The following SCNN1B variants were observed in gnomAD, a reference collection of about 807,000 sequenced individuals.
The protein encoded by SCNN1B is epithelial sodium channel subunit beta.
In SCNN1B, 46 loss-of-function variants were observed where a neutral mutation model predicts 65.3. That is an observed-to-expected ratio of 0.70 (90% CI 0.56 to 0.90). The LOEUF is 0.90. SCNN1B is among the 40% of genes least tolerant of loss of function. SCNN1B has a pLI of 0.00. For missense variants in SCNN1B, 751 were observed against 830.5 expected (o/e 0.90, Z 1.18); for synonymous variants, 349 against 330.6 (o/e 1.06, Z -0.60).
chr16:23,306,644 C>T (rs1347077709), intron 1 of SCNN1B, among the ~76,000 whole-genome samples: 2 of 152,116 alleles, frequency 1.3e-5, no homozygotes, highest in Non-Finnish European at 2.9e-5. Context: ...AGGAAAGGTT[C>T]AAAGAGAAGG....
intron 2 of SCNN1B, among the ~76,000 whole-genome samples, chr16:23,293,058 C>T (rs1319713860): frequency 1.5e-5 from 2 of 135,288 alleles, no homozygotes; most frequent in Non-Finnish European, 3.0e-5. Context: ...AAGTTTGCAG[C>T]GAGCCGAGAC....
rs1316971786 is a variant in SCNN1B, at chr16:23,348,611, G to T, written c.12G>T (p.Lys4Asn). The change falls in exon 2 of 13, where the codon AAG becomes AAT. Residue 4 changes from lysine to asparagine, a missense_variant. By Grantham distance (94) the Lys-to-Asn change is moderately conservative. Transcript: ENST00000343070. This position sits in a 1 kb window ranked among gnomAD's most constrained non-coding sequence, Gnocchi z 4.5. ...CTGCAGGTGCCACTATGCACGTGAA[G>T]AAGTACCTGCTGAAGGGCCTGCATC... MHV[K>N]KYLLKGLHRL... The T allele has an allele frequency of 3.1e-6, 5 of 1,612,894 alleles. No homozygotes were observed. In the African/African-American group the frequency reaches 6.7e-5, roughly 22 times the overall value.
At chr16:23,324,785 A>G (rs1961658319) in intron 1 of SCNN1B, among the ~76,000 whole-genome samples, 1 of 152,180 alleles carries the variant, frequency 6.6e-6, no homozygotes, top group African/African-American at 2.4e-5. Flanking sequence ...GGGAGGGAGC[A>G]GATGAAACTG....
intron 1 of SCNN1B, among the ~76,000 whole-genome samples, chr16:23,312,142 C>T (rs1961358354): frequency 6.6e-6 from 1 of 152,128 alleles, no homozygotes; most frequent in Admixed American, 6.5e-5. Flanking sequence ...TCTTTCCTTT[C>T]TTTCATTTTT....
chr16:23,368,726 A>C (rs557807220), intron 5 of SCNN1B, among the ~76,000 whole-genome samples: 3 of 152,332 alleles, frequency 2.0e-5, no homozygotes, highest in East Asian at 3.9e-4. Flanking sequence ...GGAAGTAGGG[A>C]ATGCTCCATA....
At chr16:23,279,672 C>A (rs1362982906) in intron 1 of SCNN1B, among the ~76,000 whole-genome samples, 1 of 152,138 alleles carries the variant, frequency 6.6e-6, no homozygotes, top group African/African-American at 2.4e-5. Flanking sequence ...ATACAAATTA[C>A]TTCGTTACAG....
At position 23,380,865 on chromosome 16, in the gene SCNN1B, C is replaced by T. The variant is rs1963037831; in HGVS notation, c.*64C>T. ...AGCAGCCAAGACTGTTGCCCGAGGC[C>T]TCACTGTATGGTGCCCTCTCCAAAG... On this transcript the variant is annotated 3_prime_UTR_variant, in exon 13 of 13. Transcript: ENST00000343070. This position sits in a 1 kb window ranked among gnomAD's most constrained non-coding sequence, Gnocchi z 5.4. 2 of 1,570,414 alleles carry T rather than the reference C, an allele frequency of 1.3e-6. No homozygotes were observed. The highest frequency in any genetic ancestry group is 2.7e-5 in the African/African-American group (2 of 74,252).
At chr16:23,343,509 AAAGGAAGGAAGGAAGG>A (rs1555487038) in intron 1 of SCNN1B, among the ~76,000 whole-genome samples, 1 of 76,476 alleles carries the variant, frequency 1.3e-5, no homozygotes, top group African/African-American at 5.6e-5. Context: ...GAAGGAAGGA[AAAGGAAGGAAGGAAGG>A]AAGAAAGAGG....
At chr16:23,377,712 CTCCT>C (rs1338041645) in intron 10 of SCNN1B, among the ~76,000 whole-genome samples, 9 of 49,042 alleles carry the variant, frequency 1.8e-4, no homozygotes, top group African/African-American at 3.9e-4. Context: ...CTTTCCTTTC[CTCCT>C]TCCTTCTCCC....
intron 8 of SCNN1B, among the ~76,000 whole-genome samples, chr16:23,376,738 C>T (rs1169554709): frequency 5.8e-5 from 8 of 138,994 alleles, no homozygotes; most frequent in Non-Finnish European, 9.1e-5. Flanking sequence ...GGCAAAACCC[C>T]GTCTATAAAA....
At chr16:23,333,149 AGAAGGAAGGAAGGAAGGAAGGAAG>A (rs57483761) in intron 1 of SCNN1B, among the ~76,000 whole-genome samples, 35 of 89,528 alleles carry the variant, frequency 3.9e-4, no homozygotes, top group Non-Finnish European at 6.3e-4. Context: ...AAGGAAGGAA[AGAAGGAAGGAAGGAAGGAAGGAAG>A]GAAGGAAGGA....
chr16:23,333,320 C>T (rs1320534433), intron 1 of SCNN1B, among the ~76,000 whole-genome samples: 2 of 152,182 alleles, frequency 1.3e-5, no homozygotes, highest in African/African-American at 4.8e-5. Context: ...CAGCTGCCAG[C>T]CATTGAGGAA....
chr16:23,368,052 A>G, intron 5 of SCNN1B, 93 bp downstream of exon 5: 1 of 1,026,868 alleles, frequency 9.7e-7, no homozygotes, highest in South Asian at 1.3e-5. Context: ...GCAGGGTGGG[A>G]CTGAGGGGGG....
chr16:23,356,625 T>A (rs75425274), intron 4 of SCNN1B, among the ~76,000 whole-genome samples: 798 of 43,734 alleles, frequency 0.018, 11 homozygotes, highest in African/African-American at 0.029. Context: ...CCCTGTCTCT[T>A]AAAAAAAAAA....
Position 23,352,819 on chromosome 16 carries a change from T to C in SCNN1B, c.330T>C (p.His110=), listed in dbSNP as rs754881276. 12 of 1,614,076 alleles carry C rather than the reference T, an allele frequency of 7.4e-6. No homozygotes were observed. The highest frequency in any genetic ancestry group is 9.3e-6 in the Non-Finnish European group (11 of 1,179,998). ...CATCCAGGTATTCCAAAATCAAGCA[T>C]TTGCTGAAGGACCTGGATGAGCTGA... ...ASPFKYSKIK[H]LLKDLDELME... is the part of the protein sequence containing the mutation. The change falls in exon 3 of 13, where the codon CAT becomes CAC. Residue 110 remains histidine (H), a synonymous_variant. Transcript: ENST00000343070.
chr16:23,326,149 A>G (rs1961692066), intron 1 of SCNN1B, among the ~76,000 whole-genome samples: 1 of 151,346 alleles, frequency 6.6e-6, no homozygotes, highest in African/African-American at 2.4e-5. Flanking sequence ...CTTCCCTACA[A>G]CTATCTTTGC....
chr16:23,377,334 C>A lies in SCNN1B; in HGVS notation c.1352C>A (p.Thr451Asn), dbSNP rs1373404045. 1 of 1,614,172 alleles carries A rather than the reference C, an allele frequency of 6.2e-7. No individual in the cohort carries two copies. ...IGMCKESCNDTQYKMTISMAD... is the reference protein window; with the variant it reads ...IGMCKESCNDNQYKMTISMAD... Reference sequence around the variant, plus strand: ...GGCCTGGCCTTCTCTTTCAGTGACACCCAGTACAAGATGACCATCTCCATG... The same window carrying A: ...GGCCTGGCCTTCTCTTTCAGTGACAACCAGTACAAGATGACCATCTCCATG... The change falls in exon 10 of 13, where the codon ACC becomes AAC. Residue 451 changes from threonine to asparagine, a missense_variant. By Grantham distance (65) the Thr-to-Asn change is moderately conservative. Transcript: ENST00000343070.
intron 1 of SCNN1B, among the ~76,000 whole-genome samples, chr16:23,280,125 C>T (rs2023668): frequency 0.083 from 12,690 of 152,214 alleles, 1,106 homozygotes; most frequent in African/African-American, 0.22. Context: ...CAGTCCTTTC[C>T]GTGTGCCCAG....
chr16:23,333,152 AGGAAG>A (rs1961858382), intron 1 of SCNN1B, among the ~76,000 whole-genome samples: 1 of 59,334 alleles, frequency 1.7e-5, no homozygotes, highest in African/African-American at 7.1e-5. Flanking sequence ...GAAGGAAAGA[AGGAAG>A]GAAGGAAGGA....
Sources: gnomAD v4.1 joint callset for allele counts (sites outside exome capture counted in the v4.1 genomes callset) on GRCh38, gnomAD v4.1.1 for gene constraint, Gnocchi (gnomAD v3.1) non-coding constraint, MANE v1.5 for transcripts, NCBI Gene and HGNC (gene_info 2026-07-23, HGNC 2026-07-21) for gene names.